The following BCAP29 variants were observed in gnomAD, a reference collection of about 807,000 sequenced individuals.
The protein encoded by BCAP29 is B cell receptor associated protein 29, also known as B-cell receptor-associated protein 29.
In BCAP29, 34 loss-of-function variants were observed where a neutral mutation model predicts 31.8. That is an observed-to-expected ratio of 1.07 (90% CI 0.81 to 1.42). The LOEUF (loss-of-function observed/expected upper bound fraction) is 1.42. Among genes scored for constraint, BCAP29 ranks in the 40% most tolerant of loss-of-function variants. The probability of loss-of-function intolerance (pLI) is 0.00; values close to 1 mark genes in which losing one functional copy is unlikely to be tolerated. For missense variants in BCAP29, 314 were observed against 269.2 expected (o/e 1.17, Z -1.16); for synonymous variants, 104 against 91.3 (o/e 1.14, Z -0.79).
chr7:107,600,579 T>C lies in BCAP29; in HGVS notation c.589+74T>C, dbSNP rs994391969. 31 of 830,428 alleles carry C rather than the reference T, an allele frequency of 3.7e-5. No individual in the cohort carries two copies. The African/African-American group carries it at 4.3e-4, about 11-fold the overall frequency. The allele number at this position is 830,428 out of a possible 1,614,324, so 51.4% of individuals were successfully genotyped here. On this transcript the variant is annotated intron_variant, in intron 6 of 7. Coordinates refer to ENST00000005259, the MANE Select transcript of BCAP29 (RefSeq NM_018844.4). ...ATGCTGTACACTTCACTGTTTTTCCTAAAACAAAACTAATGCCTAAATGTT... is the reference window on the plus strand; with the variant it reads ...ATGCTGTACACTTCACTGTTTTTCCCAAAACAAAACTAATGCCTAAATGTT...
At chr7:107,615,452 C>G (rs775267415) in intron 7 of BCAP29, 5 of 373,746 alleles carry the variant, frequency 1.3e-5, no homozygotes, top group African/African-American at 1.1e-4. Flanking sequence ...AAAAATTAGC[C>G]GGGCATGGTG....
intron 5 of BCAP29, among the ~76,000 whole-genome samples, chr7:107,599,718 T>G (rs1184959116): frequency 2.0e-5 from 3 of 152,126 alleles, no homozygotes; most frequent in Admixed American, 6.5e-5. Context: ...GATTAAATTT[T>G]TACTCCATGA....
At chr7:107,599,161 A>G (rs1211463490) in intron 5 of BCAP29, among the ~76,000 whole-genome samples, 1 of 128,288 alleles carries the variant, frequency 7.8e-6, no homozygotes, top group Admixed American at 9.0e-5. Context: ...ATATATTTAT[A>G]AATATATAAA....
intron 6 of BCAP29, among the ~76,000 whole-genome samples, chr7:107,605,734 T>C (rs1029720260): frequency 6.6e-6 from 1 of 152,208 alleles, no homozygotes; most frequent in Non-Finnish European, 1.5e-5. Context: ...TGGTGTTCTT[T>C]TCTACTGTCT....
At chr7:107,606,733 T>C (rs1355120530) in intron 6 of BCAP29, among the ~76,000 whole-genome samples, 1 of 152,176 alleles carries the variant, frequency 6.6e-6, no homozygotes, top group Non-Finnish European at 1.5e-5. Flanking sequence ...TGATATGGAA[T>C]AATAAAACTT....
In BCAP29 at chr7:107,618,827, C is replaced by A; in HGVS notation, c.*464C>A. 1 of 365,666 alleles carries A rather than the reference C, an allele frequency of 2.7e-6. No homozygotes were observed. The highest frequency in any genetic ancestry group is 5.0e-6 in the Non-Finnish European group (1 of 200,422). 22.7% of individuals were successfully genotyped at this position (365,666 alleles called of 1,614,324 possible). A position where few individuals can be genotyped will look rare whatever the true frequency, so the allele number is the denominator to read the frequency against. On this transcript the variant is annotated 3_prime_UTR_variant, in exon 8 of 8. Coordinates refer to ENST00000005259, the MANE Select transcript of BCAP29 (RefSeq NM_018844.4). ...ACACAGGGAATGTAAATAAGGATAA[C>A]TGATCAGAGTTATCCACTGTATTTA...
chr7:107,598,183 A>G (rs1405823874), intron 5 of BCAP29, among the ~76,000 whole-genome samples: 5 of 152,210 alleles, frequency 3.3e-5, no homozygotes, highest in Admixed American at 6.5e-5. Context: ...CTGCAACTCA[A>G]TGATTCTCTT....
chr7:107,619,421 A>C lies in BCAP29; in HGVS notation c.*1058A>C, dbSNP rs995197360. On this transcript the variant is annotated 3_prime_UTR_variant, in exon 8 of 8. Coordinates refer to ENST00000005259, the MANE Select transcript of BCAP29 (RefSeq NM_018844.4). ...TGAAATCATCTTCCTTGTCTCATGAAAACCTAAATATAAAAAAAAGGAAAA... is the reference window on the plus strand; with the variant it reads ...TGAAATCATCTTCCTTGTCTCATGACAACCTAAATATAAAAAAAAGGAAAA... 1.3e-5 allele frequency: 2 copies of C among 152,218 alleles called. No homozygotes were observed. The highest frequency in any genetic ancestry group is 2.9e-5 in the Non-Finnish European group (2 of 67,970). The allele number at this position is 152,218 out of a possible 1,614,324, so 9.4% of individuals were successfully genotyped here. A position where few individuals can be genotyped will look rare whatever the true frequency, so the allele number is the denominator to read the frequency against.
At chr7:107,607,640 T>TC (rs1307356847) in intron 6 of BCAP29, among the ~76,000 whole-genome samples, 2 of 149,896 alleles carry the variant, frequency 1.3e-5, no homozygotes, top group African/African-American at 2.4e-5. Context: ...TTTTTCTTTT[T>TC]TTTTTTTTTT....
chr7:107,620,637 G>C (rs886077172), downstream of BCAP29: 1 of 152,194 alleles, frequency 6.6e-6, no homozygotes, highest in East Asian at 1.9e-4. Context: ...TTGCAAATCT[G>C]CCTGGAGGTT....
intron 5 of BCAP29, among the ~76,000 whole-genome samples, chr7:107,598,438 G>A (rs1028166820): frequency 6.6e-6 from 1 of 152,040 alleles, no homozygotes; most frequent in Non-Finnish European, 1.5e-5. Flanking sequence ...ATATGCATTA[G>A]AGCTTTAATT....
chr7:107,606,556 CAACACAAGTGTGCTATGTAAAATGGG>C (rs1392895331), intron 6 of BCAP29, among the ~76,000 whole-genome samples: 5 of 152,172 alleles, frequency 3.3e-5, no homozygotes, highest in Non-Finnish European at 5.9e-5. Flanking sequence ...TGTTAGCTCA[CAACACAAGTGTGCTATGTAAAATGGG>C]AACACAAGTG....
At chr7:107,591,512 TACC>T (rs1003013071) in intron 3 of BCAP29, among the ~76,000 whole-genome samples, 4 of 152,092 alleles carry the variant, frequency 2.6e-5, no homozygotes, top group African/African-American at 9.7e-5. Context: ...ACTGCCAGTC[TACC>T]CTCCAGATTT....
At chr7:107,603,107 C>G (rs1811465084) in intron 6 of BCAP29, among the ~76,000 whole-genome samples, 1 of 151,042 alleles carries the variant, frequency 6.6e-6, no homozygotes, top group Admixed American at 6.6e-5. Context: ...GTAGCTGGGA[C>G]TACAGGCGCC....
chr7:107,620,150 A>T lies in BCAP29; in HGVS notation c.*1787A>T, dbSNP rs1409294762. On this transcript the variant is annotated 3_prime_UTR_variant, in exon 8 of 8. Coordinates refer to ENST00000005259, the MANE Select transcript of BCAP29 (RefSeq NM_018844.4). ...CTTGGACCTCAACCCTCTCAAGTTTACAAGTCTGAAACTTTAGACATCAAA... is the reference window on the plus strand; with the variant it reads ...CTTGGACCTCAACCCTCTCAAGTTTTCAAGTCTGAAACTTTAGACATCAAA... 1.3e-5 allele frequency: 2 copies of T among 152,220 alleles called. No homozygotes were observed. The highest frequency in any genetic ancestry group is 2.9e-5 in the Non-Finnish European group (2 of 68,034). The allele number at this position is 152,220 out of a possible 1,614,324, so 9.4% of individuals were successfully genotyped here.
chr7:107,615,545 G>A (rs1039481779), intron 7 of BCAP29: 12 of 300,324 alleles, frequency 4.0e-5, no homozygotes, highest in East Asian at 3.1e-4. Context: ...GCAGTGAGCC[G>A]AGATCGCGCT....
chr7:107,590,324 T>C (rs1205633966), intron 3 of BCAP29, among the ~76,000 whole-genome samples: 3 of 152,084 alleles, frequency 2.0e-5, no homozygotes, highest in African/African-American at 4.8e-5. Flanking sequence ...ACAAAAAACC[T>C]CAAGCTAGCA....
chr7:107,605,834 G>C (rs1274794512), intron 6 of BCAP29, among the ~76,000 whole-genome samples: 1 of 152,034 alleles, frequency 6.6e-6, no homozygotes. Flanking sequence ...TCATGTTTAT[G>C]GCCAAGTGAG....
At chr7:107,589,071 T>G (rs1808234503) in intron 3 of BCAP29, among the ~76,000 whole-genome samples, 1 of 151,958 alleles carries the variant, frequency 6.6e-6, no homozygotes, top group Non-Finnish European at 1.5e-5. Context: ...AATTAGAAAT[T>G]TACTATAACT....
Sources: allele counts gnomAD v4.1 joint callset (sites outside exome capture counted in the v4.1 genomes callset), GRCh38; gene constraint gnomAD v4.1.1; transcripts MANE v1.5; gene names NCBI Gene and HGNC (gene_info 2026-07-23, HGNC 2026-07-21).